LRGUK: variants seen among roughly 807,000 people sequenced by gnomAD.
The protein encoded by LRGUK is leucine-rich repeat and guanylate kinase domain-containing protein.
LRGUK carries 65 observed loss-of-function variants against 76.0 expected under a neutral mutation model. The observed-to-expected ratio is 0.85, with a 90% CI of 0.70 to 1.05. LRGUK has a LOEUF of 1.05. LRGUK is among the 50% of genes least tolerant of loss of function. The pLI, the probability that LRGUK is intolerant of heterozygous loss-of-function variation, is 0.00. For missense variants in LRGUK, 758 were observed against 732.8 expected (o/e 1.03, Z -0.40); for synonymous variants, 268 against 265.6 (o/e 1.01, Z -0.09).
intron 5 of LRGUK, among the ~76,000 whole-genome samples, chr7:134,154,175 C>T (rs1473951697): frequency 1.3e-5 from 2 of 152,138 alleles, no homozygotes; most frequent in Non-Finnish European, 2.9e-5. Flanking sequence ...ATTTTGAGTT[C>T]TTTTGAGTTT....
At chr7:134,244,087 A>C (rs1402705019) in intron 16 of LRGUK, among the ~76,000 whole-genome samples, 1 of 152,202 alleles carries the variant, frequency 6.6e-6, no homozygotes, top group African/African-American at 2.4e-5. Flanking sequence ...TAGACCGAAA[A>C]CCATAAAAAT....
At chr7:134,229,680 A>G (rs894195036) in intron 16 of LRGUK, among the ~76,000 whole-genome samples, 1 of 152,180 alleles carries the variant, frequency 6.6e-6, no homozygotes, top group African/African-American at 2.4e-5. Context: ...TGATTTTAAT[A>G]TGTATCTGAA....
intron 10 of LRGUK, among the ~76,000 whole-genome samples, chr7:134,179,827 GA>G (rs755434470): frequency 9.2e-5 from 14 of 152,152 alleles, no homozygotes; most frequent in Non-Finnish European, 1.6e-4. Flanking sequence ...ATGGACAAAG[GA>G]CCAGTAGCTA....
At chr7:134,150,167 T>C (rs1384419108) in intron 5 of LRGUK, among the ~76,000 whole-genome samples, 5 of 151,428 alleles carry the variant, frequency 3.3e-5, no homozygotes, top group Admixed American at 6.6e-5. Context: ...CCCAGCTACT[T>C]GGGAGGCTGA....
chr7:134,188,625 A>T (rs967752346), intron 11 of LRGUK, among the ~76,000 whole-genome samples: 36 of 152,262 alleles, frequency 2.4e-4, no homozygotes, highest in African/African-American at 7.9e-4. Context: ...TTTTGTGTGG[A>T]GGATCACTTA....
intron 11 of LRGUK, among the ~76,000 whole-genome samples, chr7:134,189,419 T>C (rs1360488363): frequency 6.6e-6 from 1 of 152,172 alleles, no homozygotes; most frequent in Non-Finnish European, 1.5e-5. Context: ...ACGGTGAACA[T>C]TTCTATATGT....
In LRGUK at chr7:134,206,388, G is replaced by T. The variant is rs535015868; in HGVS notation, c.1844-2319G>T. Among the ~76,000 whole-genome samples, 3 of 152,202 alleles carry T rather than the reference G, an allele frequency of 2.0e-5. No individual in the cohort carries two copies. In the East Asian group the frequency reaches 5.8e-4, roughly 29 times the overall value. ...AAATTAGCTGGGCGTGGTGGTGCGT[G>T]CCTGTAATCCCGGCTACTCGGGAGG... On this transcript the variant is annotated intron_variant, in intron 15 of 15. Coordinates refer to ENST00000645682, the Ensembl canonical transcript of LRGUK.
chr7:134,157,348 T>G (rs7804062), intron 5 of LRGUK, among the ~76,000 whole-genome samples: 19,895 of 152,158 alleles, frequency 0.13, 1,633 homozygotes, highest in East Asian at 0.32. Flanking sequence ...ATGGTGCATG[T>G]TGCCCCTGCA....
chr7:134,159,139 AC>A lies in LRGUK; in HGVS notation c.795+982del, dbSNP rs565149053. On this transcript the variant is annotated intron_variant, in intron 6 of 15. Transcript: ENST00000645682. ...GATCACTTGAGTCCAGGAGTTCGAG[AC>A]CAGCCTGGGCAAATAGCCAGACACT... 1.5e-3 allele frequency among the ~76,000 whole-genome samples: 235 copies of A among 152,034 alleles called. 1 individual carries two copies. The highest frequency in any genetic ancestry group is 1.2e-3 in the Non-Finnish European group (84 of 67,940).
At chr7:134,195,520 A>T (rs563170850) in intron 12 of LRGUK, among the ~76,000 whole-genome samples, 2 of 152,296 alleles carry the variant, frequency 1.3e-5, no homozygotes, top group South Asian at 4.1e-4. Flanking sequence ...AGTGGTGCAG[A>T]TGAAATCCAA....
At chr7:134,258,053 G>C (rs975554015) in intron 18 of LRGUK, among the ~76,000 whole-genome samples, 1 of 152,090 alleles carries the variant, frequency 6.6e-6, no homozygotes, top group Non-Finnish European at 1.5e-5. Flanking sequence ...AATGTGTACA[G>C]TACCTATTAT....
At chr7:134,193,818 G>A (rs1032064986) in intron 12 of LRGUK, among the ~76,000 whole-genome samples, 3 of 151,654 alleles carry the variant, frequency 2.0e-5, no homozygotes, top group South Asian at 2.1e-4. Context: ...CAGCCTGCCC[G>A]CCATCCTCCA....
In LRGUK at chr7:134,194,585, T is replaced by A. The variant is rs1229227794; in HGVS notation, c.1432-2407T>A. On this transcript the variant is annotated intron_variant, in intron 12 of 15. Transcript: ENST00000645682. Reference sequence around the variant, plus strand: ...AATGAGACCCTATCTCTTCAAAAAATAAAGAATTAGCCTGGTGTAGGGGTT... The same window carrying A: ...AATGAGACCCTATCTCTTCAAAAAAAAAAGAATTAGCCTGGTGTAGGGGTT... Among the ~76,000 whole-genome samples the A allele has an allele frequency of 2.6e-5, 4 of 151,934 alleles. No individual in the cohort carries two copies. In the East Asian group the frequency reaches 7.7e-4, roughly 29 times the overall value.
At chr7:134,272,585 AAAATACCTTTTACATTAAGTC>A in the LRGUK span, among the ~76,000 whole-genome samples, 5 of 152,360 alleles carry the variant, frequency 3.3e-5, no homozygotes, top group South Asian at 4.1e-4. Flanking sequence ...AATGATACAT[AAAATACCTTTTACATTAAGTC>A]AGGTACATCC....
At chr7:134,149,502 A>G (rs995406375) in intron 5 of LRGUK, among the ~76,000 whole-genome samples, 9 of 152,218 alleles carry the variant, frequency 5.9e-5, no homozygotes, top group African/African-American at 2.2e-4. Context: ...TATCTTGTAA[A>G]AGAAAAAAAT....
At chr7:134,234,621 T>G (rs1463425637) in intron 16 of LRGUK, among the ~76,000 whole-genome samples, 1 of 152,204 alleles carries the variant, frequency 6.6e-6, no homozygotes, top group Non-Finnish European at 1.5e-5. Flanking sequence ...ATTTATTGTC[T>G]GAGCCATTTA....
intron 14 of LRGUK, among the ~76,000 whole-genome samples, chr7:134,200,817 C>T (rs577889020): frequency 5.9e-5 from 9 of 152,158 alleles, no homozygotes; most frequent in South Asian, 2.1e-4. Flanking sequence ...TTCACAGTTT[C>T]GTAGATTAGA....
At chr7:134,196,306 C>CTT (rs74433969) in intron 12 of LRGUK, among the ~76,000 whole-genome samples, 8 of 149,010 alleles carry the variant, frequency 5.4e-5, no homozygotes, top group East Asian at 3.9e-4. Flanking sequence ...CCCACCCCTC[C>CTT]TTTTTTTTTT....
At chr7:134,274,396 T>C in the LRGUK span, among the ~76,000 whole-genome samples, 1 of 152,196 alleles carries the variant, frequency 6.6e-6, no homozygotes, top group Non-Finnish European at 1.5e-5. Flanking sequence ...TGATGTTCTT[T>C]TTGCCTTAAG....
Sources: allele counts gnomAD v4.1 joint callset (sites outside exome capture counted in the v4.1 genomes callset), GRCh38; gene constraint gnomAD v4.1.1; transcripts MANE v1.5; gene names NCBI Gene and HGNC (gene_info 2026-07-23, HGNC 2026-07-21).